VAV2: variants seen among roughly 807,000 people sequenced by gnomAD.
VAV2 encodes vav guanine nucleotide exchange factor 2, also known as guanine nucleotide exchange factor VAV2.
VAV2 carries 67 observed loss-of-function variants against 132.5 expected under a neutral mutation model. That is an observed-to-expected ratio of 0.51 (90% CI 0.42 to 0.62). VAV2 has a LOEUF of 0.62. Among genes scored for constraint, VAV2 ranks in the 20% least tolerant of loss-of-function variants. The pLI is 0.00. For synonymous variants in VAV2, 492 were observed against 443.5 expected, an observed-to-expected ratio of 1.11 and a Z score of -1.37; for missense variants, 938 against 1,153.6, an observed-to-expected ratio of 0.81 and a Z score of 2.71.
chr9:133,892,408 G>A (rs1839014659), intron 2 of VAV2, among the ~76,000 whole-genome samples: 1 of 151,906 alleles, frequency 6.6e-6, no homozygotes, highest in Admixed American at 6.6e-5. Context: ...GAGGAGGTGG[G>A]GAGTGAAAGC....
At chr9:133,780,449 G>A (rs1833968185) in intron 20 of VAV2, among the ~76,000 whole-genome samples, 1 of 152,184 alleles carries the variant, frequency 6.6e-6, no homozygotes, top group African/African-American at 2.4e-5. Flanking sequence ...CCATAGCCGC[G>A]AGCAGCCACT....
chr9:133,828,877 C>A (rs1002986774), intron 4 of VAV2, among the ~76,000 whole-genome samples: 1 of 152,240 alleles, frequency 6.6e-6, no homozygotes, highest in Non-Finnish European at 1.5e-5. Flanking sequence ...GATAGTGCCC[C>A]GGTCTTCAGC....
At chr9:133,782,111 C>T (rs868790621) in intron 19 of VAV2, among the ~76,000 whole-genome samples, 3 of 135,804 alleles carry the variant, frequency 2.2e-5, no homozygotes, top group Admixed American at 1.4e-4. Context: ...GGGGGCGGGG[C>T]GGGGGAGGAA....
Position 133,951,479 on chromosome 9 carries a change from C to T in VAV2, c.205-12260G>A, listed in dbSNP as rs111866870. On this transcript the variant is annotated intron_variant, in intron 1 of 29. Coordinates refer to ENST00000371850, the MANE Select transcript of VAV2 (RefSeq NM_001134398.2). ...CACCCACTGGTGAGTGGCCGTCACCCGCCAGGCAACCCCAGCTGGACCCAA... is the reference window on the plus strand; with the variant it reads ...CACCCACTGGTGAGTGGCCGTCACCTGCCAGGCAACCCCAGCTGGACCCAA... Among the ~76,000 whole-genome samples the T allele has an allele frequency of 3.1e-3, 465 of 152,314 alleles. 4 individuals are homozygous for T. Among genetic ancestry groups the T allele is most frequent in the African/African-American group, 0.011 (443 of 41,576 alleles).
At chr9:133,984,477 G>A (rs750731091) in intron 1 of VAV2, among the ~76,000 whole-genome samples, 4 of 152,136 alleles carry the variant, frequency 2.6e-5, no homozygotes, top group Non-Finnish European at 5.9e-5. Context: ...GCTGGGCGCG[G>A]TGGCACACAC....
chr9:133,972,310 G>A (rs1842362572), intron 1 of VAV2, among the ~76,000 whole-genome samples: 1 of 152,216 alleles, frequency 6.6e-6, no homozygotes, highest in Non-Finnish European at 1.5e-5. Context: ...AGGAATTGCT[G>A]GGCACCCGTC....
intron 2 of VAV2, among the ~76,000 whole-genome samples, chr9:133,882,986 C>A (rs1838559592): frequency 6.6e-6 from 1 of 152,142 alleles, no homozygotes; most frequent in Admixed American, 6.5e-5. Flanking sequence ...CCAGAGGCCT[C>A]TGGCACCCTG....
chr9:133,946,473 C>G (rs748041378), intron 1 of VAV2, among the ~76,000 whole-genome samples: 6 of 152,248 alleles, frequency 3.9e-5, no homozygotes, highest in Non-Finnish European at 8.8e-5. Context: ...AGCTGGGGGT[C>G]TCCATGTGCA....
At chr9:133,846,586 T>A (rs1008376556) in intron 3 of VAV2, among the ~76,000 whole-genome samples, 5 of 59,886 alleles carry the variant, frequency 8.3e-5, no homozygotes, top group African/African-American at 4.1e-4. Context: ...CCGCTCTCTA[T>A]CCAGGGCCGC....
At chr9:133,899,130 C>T (rs552592504) in intron 2 of VAV2, among the ~76,000 whole-genome samples, 10 of 151,580 alleles carry the variant, frequency 6.6e-5, no homozygotes, top group East Asian at 2.0e-4. Context: ...CCAGACCCTT[C>T]CTCTTGATGA....
At chr9:133,979,799 AG>A (rs1842636949) in intron 1 of VAV2, among the ~76,000 whole-genome samples, 2 of 152,200 alleles carry the variant, frequency 1.3e-5, no homozygotes, top group African/African-American at 4.8e-5. Flanking sequence ...CACAGGTGCT[AG>A]TGGTGAGGGG....
chr9:133,861,499 G>A (rs1588281398), intron 2 of VAV2, 67 bp from the exon 3 acceptor site: 1 of 1,575,336 alleles, frequency 6.3e-7, no homozygotes, highest in Non-Finnish European at 8.6e-7. Context: ...ACAGAACTGG[G>A]GACGCTGCTT....
chr9:133,863,511 G>A lies in VAV2; in HGVS notation c.322-2079C>T, dbSNP rs530537542. ...CAAGGCCAGAACATGGTTCTCCTGCGTCCATGCATCTGTGGCCCCTGTGGA... is the reference window on the plus strand; with the variant it reads ...CAAGGCCAGAACATGGTTCTCCTGCATCCATGCATCTGTGGCCCCTGTGGA... On this transcript the variant is annotated intron_variant, in intron 2 of 29. Coordinates refer to ENST00000371850, the MANE Select transcript of VAV2 (RefSeq NM_001134398.2). The surrounding 1 kb of genome is among the most constrained non-coding windows in gnomAD (Gnocchi z 5.0). Among the ~76,000 whole-genome samples, 6 of 152,338 alleles carry A rather than the reference G, an allele frequency of 3.9e-5. No individual in the cohort carries two copies. The highest frequency in any genetic ancestry group is 4.1e-4 in the South Asian group (2 of 4,830).
At chr9:133,921,349 G>A (rs1004288737) in intron 2 of VAV2, among the ~76,000 whole-genome samples, 1 of 152,212 alleles carries the variant, frequency 6.6e-6, no homozygotes, top group African/African-American at 2.4e-5. Context: ...ACCACTGAAC[G>A]TCCACAGGCC....
In VAV2 at chr9:133,992,192, C is replaced by T. The variant is rs371581138; in HGVS notation, c.87G>A (p.Val29=). ...PNHRVVWPSA[V]VFDLAQALRD... ...GCAGCGCCTGCGCCAGGTCGAAGAC[C>T]ACGGCCGAGGGCCACACCACCCGGT... Residue 29 remains valine, a synonymous_variant, in exon 1 of 30, where the codon GTG becomes GTA. Coordinates refer to ENST00000371850, the MANE Select transcript of VAV2 (RefSeq NM_001134398.2). The surrounding 1 kb of genome is among the most constrained non-coding windows in gnomAD (Gnocchi z 5.5). 9.4e-6 allele frequency: 15 copies of T among 1,598,806 alleles called. No individual in the cohort carries two copies. The African/African-American group carries it at 1.5e-4, about 16-fold the overall frequency.
Position 133,902,438 on chromosome 9 carries a change from C to A in VAV2, c.321+36665G>T, listed in dbSNP as rs370979593. ...CCTGAAATGCGGCCAGCACTGGAAG[C>A]GGGGAGACTCCCACATTGAGATGTT... On this transcript the variant is annotated intron_variant, in intron 2 of 29. Transcript: ENST00000371850. 4.6e-5 allele frequency among the ~76,000 whole-genome samples: 7 copies of A among 152,312 alleles called. No individual in the cohort carries two copies. In the South Asian group the frequency reaches 1.5e-3, roughly 32 times the overall value.
intron 1 of VAV2, among the ~76,000 whole-genome samples, chr9:133,955,826 C>A (rs1841755169): frequency 9.1e-6 from 1 of 109,382 alleles, no homozygotes; most frequent in Admixed American, 9.9e-5. Flanking sequence ...CCCCACTCCT[C>A]CCCACAGCTC....
chr9:133,849,612 AGTTCT>A (rs1304383578), intron 3 of VAV2, among the ~76,000 whole-genome samples: 1 of 152,168 alleles, frequency 6.6e-6, no homozygotes, highest in Admixed American at 6.5e-5. Flanking sequence ...TCTTCTCTCC[AGTTCT>A]CCCAGTTCTG....
chr9:133,830,206 G>C (rs2131766481), intron 4 of VAV2, among the ~76,000 whole-genome samples: 1 of 152,280 alleles, frequency 6.6e-6, no homozygotes, highest in South Asian at 2.1e-4. Context: ...AGACATTCAA[G>C]GTGACCTTCA....
Sources: allele counts gnomAD v4.1 joint callset (sites outside exome capture counted in the v4.1 genomes callset), GRCh38; gene constraint gnomAD v4.1.1; non-coding constraint Gnocchi (gnomAD v3.1); transcripts MANE v1.5; gene names NCBI Gene and HGNC (gene_info 2026-07-23, HGNC 2026-07-21).